The following GABRE variants were observed in gnomAD, a reference collection of about 807,000 sequenced individuals.
GABRE encodes the protein gamma-aminobutyric acid receptor subunit epsilon.
Under a neutral mutation model 31.0 loss-of-function variants are expected in GABRE, and 20 were observed. The observed-to-expected ratio is 0.64, with a 90% CI of 0.45 to 0.94. GABRE has a LOEUF of 0.94. GABRE is among the 40% of genes least tolerant of loss of function. The pLI is 0.00. For missense variants in GABRE, 420 were observed against 410.7 expected, an observed-to-expected ratio of 1.02 and a Z score of -0.20; for synonymous variants, 155 against 150.6, an observed-to-expected ratio of 1.03 and a Z score of -0.21.
Position 151,955,446 on chromosome X carries a change from G to A in GABRE, c.1059C>T (p.Cys353=), listed in dbSNP as rs372706803. ...YIAICFVFCF[C]ALLEFAVLNF... ...TGAGCACAGCAAACTCCAACAGAGC[G>A]CAGAAGCAGAAGACGAAGCAGATGG... Residue 353 remains cysteine, a synonymous_variant, in exon 8 of 9, where the codon TGC becomes TGT. Coordinates refer to ENST00000370328, the MANE Select transcript of GABRE (RefSeq NM_004961.4). 37 of 1,209,962 alleles carry A rather than the reference G, an allele frequency of 3.1e-5. No individual in the cohort carries two copies. Among genetic ancestry groups the A allele is most frequent in the Non-Finnish European group, 3.9e-5 (35 of 894,910 alleles).
Position 151,954,672 on chromosome X carries a change from AGGTTGCCCCACAG to A in GABRE, c.*16_*28del, listed in dbSNP as rs1176715006. Reference sequence around the variant, plus strand: ...GCTTGGACCTCCTGGGGAACTGGAGAGGTTGCCCCACAGGGTACCAGCTGGTACCTACAAGTTA... The same window carrying A: ...GCTTGGACCTCCTGGGGAACTGGAGAGGTACCAGCTGGTACCTACAAGTTA... On this transcript the variant is annotated 3_prime_UTR_variant, in exon 9 of 9. Transcript: ENST00000370328. 16 of 1,103,764 alleles carry A rather than the reference AGGTTGCCCCACAG, an allele frequency of 1.4e-5. No individual in the cohort carries two copies. The highest frequency in any genetic ancestry group is 2.7e-5 in the Admixed American group (1 of 37,372). The allele number at this position is 1,103,764 out of a possible 1,213,427, so 91.0% of individuals were successfully genotyped here.
chrX:151,957,561 T>C, intron 6 of GABRE: 1 of 300,420 alleles, frequency 3.3e-6, no homozygotes, highest in Admixed American at 3.8e-5. Flanking sequence ...TATATTCTTG[T>C]TGCACGAAGA....
chrX:151,957,391 G>A (rs957128498), intron 6 of GABRE: 2 of 323,096 alleles, frequency 6.2e-6, no homozygotes, highest in Non-Finnish European at 1.2e-5. Flanking sequence ...ATAGCTTTGG[G>A]ATAGAACTCC....
Position 151,953,423 on chromosome X carries a change from A to C in GABRE, c.*1278T>G. On this transcript the variant is annotated 3_prime_UTR_variant, in exon 9 of 9. Coordinates refer to ENST00000370328, the MANE Select transcript of GABRE (RefSeq NM_004961.4). Reference sequence around the variant, plus strand: ...GACAGAAGAGAATCATGGTGAACTGAGCTGTCTAGCCCTATCATGTGGTCT... The same window carrying C: ...GACAGAAGAGAATCATGGTGAACTGCGCTGTCTAGCCCTATCATGTGGTCT... The C allele has an allele frequency of 9.0e-6, 1 of 111,487 alleles. No individual in the cohort carries two copies. Among genetic ancestry groups the C allele is most frequent in the South Asian group, 3.9e-4 (1 of 2,577 alleles). The allele number at this position is 111,487 out of a possible 1,213,427, so 9.2% of individuals were successfully genotyped here.
intron 3 of GABRE, among the ~76,000 whole-genome samples, chrX:151,964,796 G>A (rs773909693): frequency 1.1e-4 from 12 of 111,642 alleles, no homozygotes; most frequent in African/African-American, 3.6e-4. Flanking sequence ...GAGGCCAGGC[G>A]CCATGACTCA....
intron 1 of GABRE, chrX:151,972,046 A>G (rs1219968236): frequency 1.3e-6 from 1 of 750,731 alleles, no homozygotes; most frequent in Admixed American, 9.0e-5. Context: ...TTCCAAAAGG[A>G]TTTTTTTAAG....
chrX:151,957,563 G>A, intron 6 of GABRE: 1 of 295,923 alleles, frequency 3.4e-6, no homozygotes, highest in Non-Finnish European at 6.5e-6. Context: ...TATTCTTGTT[G>A]CACGAAGATT....
chrX:151,967,931 G>T (rs1934572450), intron 3 of GABRE, among the ~76,000 whole-genome samples: 1 of 112,394 alleles, frequency 8.9e-6, no homozygotes, highest in African/African-American at 3.2e-5. Flanking sequence ...CCTTGACAGG[G>T]ATTACACTTG....
intron 1 of GABRE, among the ~76,000 whole-genome samples, chrX:151,974,106 G>A (rs1474696016): frequency 1.8e-5 from 2 of 111,299 alleles, no homozygotes; most frequent in African/African-American, 6.5e-5. Context: ...GAACACACGA[G>A]GCAACACTCA....
At position 151,955,056 on chromosome X, in the gene GABRE, C is replaced by A. The variant is rs745496701; in HGVS notation, c.1166G>T (p.Arg389Leu). ...HPRINSRAHA[R>L]TRARSRACAR... ...ACAGGCTCGGGAACGTGCACGGGTA[C>A]GGGCATGGGCACGGCTATTGATACG... The change falls in exon 9 of 9, where the codon CGT becomes CTT. Residue 389 changes from arginine (R) to leucine (L), a missense_variant. Physicochemically the swap from Arg to Leu is moderately radical, Grantham distance 102 (BLOSUM62 -2). Coordinates refer to ENST00000370328, the MANE Select transcript of GABRE (RefSeq NM_004961.4). 5.8e-6 allele frequency: 7 copies of A among 1,199,436 alleles called. No individual in the cohort carries two copies. The African/African-American group carries it at 8.8e-5, about 15-fold the overall frequency.
intron 6 of GABRE, chrX:151,957,671 A>G (rs904240927): frequency 8.3e-6 from 2 of 241,260 alleles, no homozygotes; most frequent in Non-Finnish European, 1.5e-5. Context: ...CTTGAAGGAC[A>G]AGAGAAAGAT....
intron 6 of GABRE, chrX:151,957,540 G>A (rs1934213496): frequency 3.1e-6 from 1 of 318,871 alleles, no homozygotes; most frequent in South Asian, 2.8e-5. Flanking sequence ...AAAATTGCTG[G>A]GTTTATATAA....
In GABRE at chrX:151,961,329, G is replaced by A; in HGVS notation, c.600C>T (p.Leu200=). ...TIDAGCSLHM[L]RFPMDSHSCP... ...AAGAGTGAGAATCCATTGGAAATCTGAGCATGTGGAGTGAGCATCCGGCAT... is the reference window on the plus strand; with the variant it reads ...AAGAGTGAGAATCCATTGGAAATCTAAGCATGTGGAGTGAGCATCCGGCAT... Residue 200 remains leucine, a synonymous_variant, in exon 5 of 9, where the codon CTC becomes CTT. Coordinates refer to ENST00000370328, the MANE Select transcript of GABRE (RefSeq NM_004961.4). 2 of 1,206,935 alleles carry A rather than the reference G, an allele frequency of 1.7e-6. No homozygotes were observed. Among genetic ancestry groups the A allele is most frequent in the Non-Finnish European group, 2.2e-6 (2 of 891,531 alleles).
intron 1 of GABRE, 105 bp from the exon 2 acceptor site, chrX:151,970,507 A>G: frequency 1.1e-6 from 1 of 944,248 alleles, no homozygotes; most frequent in Non-Finnish European, 1.4e-6. Context: ...TCAACACAAA[A>G]CCTAGTTAAA....
chrX:151,956,333 C>T (rs1404291695), intron 6 of GABRE: 1 of 122,700 alleles, frequency 8.1e-6, no homozygotes, highest in Non-Finnish European at 1.7e-5. Flanking sequence ...GCACAGAATG[C>T]TTTTGGCCTC....
At chrX:151,959,573 C>T in intron 6 of GABRE, 1 of 442,995 alleles carries the variant, frequency 2.3e-6, no homozygotes, top group Non-Finnish European at 4.3e-6. Context: ...AAGCCAGCTG[C>T]ACATTCCGAC....
At chrX:151,967,255 C>A (rs1012448820) in intron 3 of GABRE, among the ~76,000 whole-genome samples, 5 of 112,147 alleles carry the variant, frequency 4.5e-5, no homozygotes, top group African/African-American at 1.6e-4. Flanking sequence ...GAAATTAGAC[C>A]GGTTACTTCC....
chrX:151,961,490 G>C, intron 4 of GABRE, 125 bp from the exon 5 acceptor site: 1 of 480,151 alleles, frequency 2.1e-6, no homozygotes, highest in Non-Finnish European at 3.7e-6. Flanking sequence ...GTTTGAGACA[G>C]AGTCTCACTC....
Position 151,954,572 on chromosome X carries a change from T to C in GABRE, c.*129A>G, listed in dbSNP as rs1934073777. ...AGACAAACCCTCTGCAAGCTTCTGT[T>C]TGGGGAATGGGGCAGGAAAAACTCT... On this transcript the variant is annotated 3_prime_UTR_variant, in exon 9 of 9. Coordinates refer to ENST00000370328, the MANE Select transcript of GABRE (RefSeq NM_004961.4). 10 of 490,131 alleles carry C rather than the reference T, an allele frequency of 2.0e-5. No homozygotes were observed. The South Asian group carries it at 3.2e-4, about 16-fold the overall frequency. The allele number at this position is 490,131 out of a possible 1,213,427, so 40.4% of individuals were successfully genotyped here.
Sources: allele counts gnomAD v4.1 joint callset (sites outside exome capture counted in the v4.1 genomes callset), GRCh38; gene constraint gnomAD v4.1.1; transcripts MANE v1.5; gene names NCBI Gene and HGNC (gene_info 2026-07-23, HGNC 2026-07-21).